Variants in THEMIS observed in about 807,000 individuals in gnomAD.
THEMIS encodes the protein thymocyte selection associated.
THEMIS carries 37 observed loss-of-function variants against 52.6 expected under a neutral mutation model. That is an observed-to-expected ratio of 0.70 (90% CI 0.54 to 0.93). The LOEUF is 0.93. Ranked by LOEUF, THEMIS falls within the 40% of genes least tolerant of loss-of-function variation. The pLI is 0.00. For synonymous variants in THEMIS, 292 were observed against 272.7 expected, an observed-to-expected ratio of 1.07 and a Z score of -0.70; for missense variants, 808 against 763.1, an observed-to-expected ratio of 1.06 and a Z score of -0.69.
At chr6:127,726,405 C>T (rs894859249) in intron 4 of THEMIS, among the ~76,000 whole-genome samples, 1 of 152,142 alleles carries the variant, frequency 6.6e-6, no homozygotes. Context: ...ACCACCCTTG[C>T]TGTAACTGAT....
chr6:127,783,641 A>G (rs1163884611), intron 4 of THEMIS, among the ~76,000 whole-genome samples: 1 of 152,262 alleles, frequency 6.6e-6, no homozygotes, highest in Non-Finnish European at 1.5e-5. Flanking sequence ...ACAAAAGCTC[A>G]TCATCAATGG....
intron 1 of THEMIS, among the ~76,000 whole-genome samples, chr6:127,872,099 T>G (rs891894357): frequency 6.6e-6 from 1 of 152,184 alleles, no homozygotes; most frequent in African/African-American, 2.4e-5. Context: ...AAAAGAATTA[T>G]ACACCATGAC....
chr6:127,747,205 AT>A (rs1353922373), intron 4 of THEMIS, among the ~76,000 whole-genome samples: 1 of 137,102 alleles, frequency 7.3e-6, no homozygotes, highest in Non-Finnish European at 1.5e-5. Context: ...TATCTATCAT[AT>A]CTGCATATTA....
At chr6:127,699,531 T>C in the THEMIS span, among the ~76,000 whole-genome samples, 1 of 150,400 alleles carries the variant, frequency 6.6e-6, no homozygotes, top group African/African-American at 2.4e-5. Flanking sequence ...CTCTCTTCAC[T>C]CTTCTTAAGT....
At chr6:127,890,258 C>G (rs1213096356) in intron 1 of THEMIS, among the ~76,000 whole-genome samples, 1 of 152,014 alleles carries the variant, frequency 6.6e-6, no homozygotes, top group Non-Finnish European at 1.5e-5. Flanking sequence ...CAGCATTTTC[C>G]AAAACAGTAT....
At chr6:127,792,867 A>G (rs1049700864) in intron 4 of THEMIS, among the ~76,000 whole-genome samples, 1 of 152,236 alleles carries the variant, frequency 6.6e-6, no homozygotes, top group African/African-American at 2.4e-5. Flanking sequence ...AGAACCAATT[A>G]TAAGTGAACA....
rs767367573 is a variant in THEMIS at position 127,811,540 on chromosome 6, A to C, written c.1758+1343T>G. The stretch of plus-strand genomic sequence containing the variant: ...GGACCCACCTGGATAATCCAAGATA[A>C]TCTCATCTTGATGTCCTTAATTTTA... On this transcript the variant is annotated intron_variant, in intron 4 of 5. Transcript: ENST00000368248. 2.8e-4 allele frequency among the ~76,000 whole-genome samples: 42 copies of C among 152,320 alleles called. 1 individual carries two copies. Among genetic ancestry groups the C allele is most frequent in the Admixed American group, 4.6e-4 (7 of 15,296 alleles).
chr6:127,839,882 G>A (rs1444418008), intron 2 of THEMIS, among the ~76,000 whole-genome samples: 1 of 151,934 alleles, frequency 6.6e-6, no homozygotes, highest in African/African-American at 2.4e-5. Context: ...GGTCTGTCAG[G>A]CCCTGCCATT....
At chr6:127,777,039 A>G (rs781600786) in intron 4 of THEMIS, among the ~76,000 whole-genome samples, 1 of 151,842 alleles carries the variant, frequency 6.6e-6, no homozygotes, top group Non-Finnish European at 1.5e-5. Context: ...ACTTTTCTGC[A>G]TTTTTATATT....
chr6:127,808,233 T>C (rs1056938726), intron 4 of THEMIS, among the ~76,000 whole-genome samples: 1 of 152,238 alleles, frequency 6.6e-6, no homozygotes, highest in Non-Finnish European at 1.5e-5. Flanking sequence ...TGTCTTGTTA[T>C]AGACCCTTTC....
At chr6:127,729,413 A>G (rs1774677958) in intron 4 of THEMIS, among the ~76,000 whole-genome samples, 1 of 152,182 alleles carries the variant, frequency 6.6e-6, no homozygotes, top group Non-Finnish European at 1.5e-5. Flanking sequence ...CAAAGCTCAC[A>G]GTGGAAATCC....
intron 4 of THEMIS, among the ~76,000 whole-genome samples, chr6:127,764,189 C>A (rs954251917): frequency 6.6e-6 from 1 of 151,916 alleles, no homozygotes; most frequent in African/African-American, 2.4e-5. Flanking sequence ...AACTTTATCC[C>A]ATTTAATACT....
chr6:127,749,727 CT>C (rs1260312576), intron 4 of THEMIS, among the ~76,000 whole-genome samples: 1 of 151,452 alleles, frequency 6.6e-6, no homozygotes, highest in African/African-American at 2.4e-5. Context: ...GTTTCTGGAC[CT>C]TACTAGATTG....
At chr6:127,841,771 A>C (rs1240851014) in intron 2 of THEMIS, among the ~76,000 whole-genome samples, 2 of 152,128 alleles carry the variant, frequency 1.3e-5, no homozygotes, top group African/African-American at 4.8e-5. Flanking sequence ...AAAAGCCTGA[A>C]TTTCTTTTGC....
rs762309699 is a variant in THEMIS, at chr6:127,813,089, TACTA to T, written c.1548_1551del (p.Ser517IlefsTer10). Reference sequence around the variant, plus strand: ...AATGGTTCTGCATCCCTAGAGAAATTACTAACTAACTGAACAGTCATATTCAAGC... The same window carrying T: ...AATGGTTCTGCATCCCTAGAGAAATTACTAACTGAACAGTCATATTCAAGC... On this transcript the variant is annotated frameshift_variant, in exon 4 of 6. Transcript: ENST00000368248. LOFTEE classifies it high-confidence loss of function. 1.5e-5 allele frequency: 25 copies of T among 1,613,904 alleles called. 2 individuals are homozygous for T. Among genetic ancestry groups the T allele is most frequent in the East Asian group, 4.5e-5 (2 of 44,892 alleles).
chr6:127,759,856 C>CTCCTTCCT (rs71028104), intron 4 of THEMIS, among the ~76,000 whole-genome samples: 1 of 119,360 alleles, frequency 8.4e-6, no homozygotes, highest in African/African-American at 3.8e-5. Context: ...CCCTCCCTCC[C>CTCCTTCCT]TCCTTCCTTC....
rs574845017 is a variant in THEMIS, at chr6:127,835,074, A to G, written c.251-5140T>C. 7.2e-5 allele frequency among the ~76,000 whole-genome samples: 11 copies of G among 152,302 alleles called. No individual in the cohort carries two copies. The East Asian group carries it at 2.1e-3, about 29-fold the overall frequency. Reference sequence around the variant, plus strand: ...CTCCCTAGATGCTCATTAGTTCTGCAGAGCACTGTTCCTTGTGTTTTGAGA... The same window carrying G: ...CTCCCTAGATGCTCATTAGTTCTGCGGAGCACTGTTCCTTGTGTTTTGAGA... On this transcript the variant is annotated intron_variant, in intron 2 of 5. Transcript: ENST00000368248.
intron 4 of THEMIS, among the ~76,000 whole-genome samples, chr6:127,802,831 G>T (rs1330363898): frequency 1.3e-5 from 2 of 152,118 alleles, no homozygotes; most frequent in African/African-American, 4.8e-5. Flanking sequence ...TTTTACCAGG[G>T]TAACTGTGCA....
chr6:127,879,680 G>A (rs1780417981), intron 1 of THEMIS, among the ~76,000 whole-genome samples: 1 of 149,380 alleles, frequency 6.7e-6, no homozygotes, highest in South Asian at 2.1e-4. Flanking sequence ...TTTAAAAAAT[G>A]AGCAAATTAT....
Sources: allele counts gnomAD v4.1 joint callset (sites outside exome capture counted in the v4.1 genomes callset), GRCh38; gene constraint gnomAD v4.1.1; transcripts MANE v1.5; gene names NCBI Gene and HGNC (gene_info 2026-07-23, HGNC 2026-07-21).